The following VIPR2 variants were observed in gnomAD, a reference collection of about 807,000 sequenced individuals.
VIPR2 encodes vasoactive intestinal peptide receptor 2.
VIPR2 carries 48 observed loss-of-function variants against 58.0 expected under a neutral mutation model. That is an observed-to-expected ratio of 0.83 (90% CI 0.66 to 1.05). The LOEUF is 1.05. VIPR2 is among the 50% of genes least tolerant of loss of function. VIPR2 has a pLI of 0.00. For missense variants in VIPR2, 534 were observed against 558.0 expected, an observed-to-expected ratio of 0.96 and a Z score of 0.43; for synonymous variants, 243 against 235.2, an observed-to-expected ratio of 1.03 and a Z score of -0.30.
chr7:159,099,623 C>T lies in VIPR2; in HGVS notation c.357+4134G>A, dbSNP rs944040967. ...CCTGCACATACGGGGCTCTGGGTGA[C>T]GCTGCTGGGGGCCTTGGTCTCTGCT... On this transcript the variant is annotated intron_variant, in intron 4 of 12. Transcript: ENST00000262178. The surrounding 1 kb of genome is among the most constrained non-coding windows in gnomAD (Gnocchi z 4.2). Among the ~76,000 whole-genome samples the T allele has an allele frequency of 3.3e-5, 5 of 152,264 alleles. No homozygotes were observed. Among genetic ancestry groups the T allele is most frequent in the Admixed American group, 6.5e-5 (1 of 15,302 alleles).
intron 5 of VIPR2, among the ~76,000 whole-genome samples, chr7:159,056,234 A>G (rs1172256887): frequency 6.7e-6 from 1 of 148,742 alleles, no homozygotes; most frequent in African/African-American, 2.5e-5. Flanking sequence ...CCCTCCCCCA[A>G]TCTTGCCCCC....
intron 3 of VIPR2, among the ~76,000 whole-genome samples, chr7:159,105,599 G>A (rs563493770): frequency 6.6e-6 from 1 of 152,198 alleles, no homozygotes; most frequent in South Asian, 2.1e-4. Context: ...AAGGCCTCAG[G>A]GCTGGCCCTG....
At chr7:159,062,132 G>C (rs983091340) in intron 4 of VIPR2, among the ~76,000 whole-genome samples, 5 of 152,188 alleles carry the variant, frequency 3.3e-5, no homozygotes, top group African/African-American at 1.2e-4. Flanking sequence ...GATCCCAACA[G>C]GGACTTGATG....
chr7:159,138,549 A>G (rs1321985436), intron 2 of VIPR2, among the ~76,000 whole-genome samples: 9 of 152,268 alleles, frequency 5.9e-5, no homozygotes, highest in Admixed American at 5.9e-4. Flanking sequence ...CTAAAGAAAC[A>G]CATTAGAATA....
At chr7:159,039,671 G>A (rs1854196575) in intron 6 of VIPR2, among the ~76,000 whole-genome samples, 1 of 151,992 alleles carries the variant, frequency 6.6e-6, no homozygotes, top group Non-Finnish European at 1.5e-5. Context: ...CTTCCACCAC[G>A]TGAGGACACA....
intron 1 of VIPR2, among the ~76,000 whole-genome samples, chr7:159,143,826 C>A (rs1797574301): frequency 6.6e-6 from 1 of 152,276 alleles, no homozygotes; most frequent in Admixed American, 6.5e-5. Context: ...CGTGATAAAA[C>A]CCGTTACTTT....
chr7:159,071,535 C>T (rs1856392978), intron 4 of VIPR2, among the ~76,000 whole-genome samples: 1 of 152,224 alleles, frequency 6.6e-6, no homozygotes, highest in African/African-American at 2.4e-5. Context: ...ACAACCCCAC[C>T]AGCCTCATCC....
intron 5 of VIPR2, among the ~76,000 whole-genome samples, chr7:159,045,699 T>C (rs1011613794): frequency 5.9e-5 from 9 of 152,242 alleles, no homozygotes; most frequent in Middle Eastern, 3.4e-3. Context: ...ACAAGTCTAA[T>C]AGGCTCTGTT....
At chr7:159,107,839 C>T (rs1451002389) in intron 3 of VIPR2, among the ~76,000 whole-genome samples, 2 of 152,212 alleles carry the variant, frequency 1.3e-5, no homozygotes, top group Non-Finnish European at 2.9e-5. Context: ...AGACACAGGG[C>T]GCCAGTGTGC....
chr7:159,041,437 C>T (rs1389485952), intron 6 of VIPR2, among the ~76,000 whole-genome samples: 3 of 150,858 alleles, frequency 2.0e-5, no homozygotes, highest in Admixed American at 1.3e-4. Context: ...GAGGGTCTGT[C>T]GAGGGTCCTA....
chr7:159,037,605 A>C (rs1260421174), intron 6 of VIPR2, among the ~76,000 whole-genome samples: 1 of 152,248 alleles, frequency 6.6e-6, no homozygotes, highest in African/African-American at 2.4e-5. Flanking sequence ...AAACATGAAA[A>C]AATAAAGGGG....
chr7:159,107,039 T>C (rs1795776719), intron 3 of VIPR2, among the ~76,000 whole-genome samples: 2 of 152,040 alleles, frequency 1.3e-5, no homozygotes, highest in South Asian at 4.1e-4. Context: ...GGGAGCACAC[T>C]CTCGCCCACT....
At position 159,099,898 on chromosome 7, in the gene VIPR2, A is replaced by T. The variant is rs1858101870; in HGVS notation, c.357+3859T>A. Among the ~76,000 whole-genome samples the T allele has an allele frequency of 6.6e-6, 1 of 152,130 alleles. No homozygotes were observed. The highest frequency in any genetic ancestry group is 2.1e-4 in the South Asian group (1 of 4,824). On this transcript the variant is annotated intron_variant, in intron 4 of 12. Transcript: ENST00000262178. This position sits in a 1 kb window ranked among gnomAD's most constrained non-coding sequence, Gnocchi z 4.2. ...GCTGTCAGCCATGGTGTGTGATGAC[A>T]GAGGCCGCAATGTTCCCCCTCTCCC...
At chr7:159,113,592 G>T (rs1428726076) in intron 2 of VIPR2, among the ~76,000 whole-genome samples, 1 of 152,062 alleles carries the variant, frequency 6.6e-6, no homozygotes, top group Non-Finnish European at 1.5e-5. Flanking sequence ...AGAGTGTTCT[G>T]GCCTGAGGTT....
At chr7:159,140,401 T>C (rs1380046650) in intron 2 of VIPR2, among the ~76,000 whole-genome samples, 1 of 152,172 alleles carries the variant, frequency 6.6e-6, no homozygotes, top group Admixed American at 6.5e-5. Flanking sequence ...CTTACTTCTA[T>C]TTACATCCCT....
intron 10 of VIPR2, among the ~76,000 whole-genome samples, chr7:159,032,389 T>C (rs1288252405): frequency 6.6e-6 from 1 of 152,078 alleles, no homozygotes; most frequent in African/African-American, 2.4e-5. Flanking sequence ...ACCCCAAACC[T>C]ACACAGGCCC....
At chr7:159,037,983 G>C (rs1854078053) in intron 6 of VIPR2, among the ~76,000 whole-genome samples, 1 of 152,072 alleles carries the variant, frequency 6.6e-6, no homozygotes, top group East Asian at 1.9e-4. Context: ...CATATGTATG[G>C]GTGGATATAC....
intron 2 of VIPR2, among the ~76,000 whole-genome samples, chr7:159,120,891 A>G (rs1796429147): frequency 6.6e-6 from 1 of 152,158 alleles, no homozygotes. Flanking sequence ...TTCCTTATTT[A>G]ATATGTTTGG....
Position 159,030,474 on chromosome 7 carries a change from G to T in VIPR2, c.*142C>A. On this transcript the variant is annotated 3_prime_UTR_variant, in exon 13 of 13. Transcript: ENST00000262178. ...CCAATTCCAGGTATGGGGTTTAGTG[G>T]ACAACCAGCTTGACGGAGTCAGGAC... The T allele has an allele frequency of 9.8e-7, 1 of 1,025,014 alleles. No individual in the cohort carries two copies. The highest frequency in any genetic ancestry group is 1.3e-6 in the Non-Finnish European group (1 of 741,952). 63.5% of individuals were successfully genotyped at this position (1,025,014 alleles called of 1,614,324 possible).
Sources: allele counts gnomAD v4.1 joint callset (sites outside exome capture counted in the v4.1 genomes callset), GRCh38; gene constraint gnomAD v4.1.1; non-coding constraint Gnocchi (gnomAD v3.1); transcripts MANE v1.5; gene names NCBI Gene and HGNC (gene_info 2026-07-23, HGNC 2026-07-21).